The following NRXN1 variants were observed in gnomAD, a reference collection of about 807,000 sequenced individuals.
NRXN1 encodes neurexin 1.
NRXN1 carries 39 observed loss-of-function variants against 150.9 expected under a neutral mutation model. That is an observed-to-expected ratio of 0.26 (90% CI 0.20 to 0.34). The LOEUF is 0.34. Ranked by LOEUF, NRXN1 falls within the 10% of genes least tolerant of loss-of-function variation. The pLI, the probability that NRXN1 is intolerant of heterozygous loss-of-function variation, is 1.00. For missense variants in NRXN1, 1,815 were observed against 1,949.9 expected, an observed-to-expected ratio of 0.93 and a Z score of 1.30; for synonymous variants, 924 against 757.0, an observed-to-expected ratio of 1.22 and a Z score of -3.62.
chr2:50,948,720 C>T (rs1371218311), intron 2 of NRXN1, among the ~76,000 whole-genome samples: 1 of 152,012 alleles, frequency 6.6e-6, no homozygotes, highest in Non-Finnish European at 1.5e-5. Context: ...AGGCAAATGT[C>T]TCTTTCAGGC....
intron 8 of NRXN1, among the ~76,000 whole-genome samples, chr2:50,581,919 G>T (rs1268184711): frequency 1.3e-5 from 2 of 152,090 alleles, no homozygotes; most frequent in Non-Finnish European, 2.9e-5. Context: ...AGGTCATGGT[G>T]GAGAGTGACA....
chr2:50,906,163 A>C (rs1454476131), intron 5 of NRXN1, among the ~76,000 whole-genome samples: 1 of 152,140 alleles, frequency 6.6e-6, no homozygotes, highest in Non-Finnish European at 1.5e-5. Flanking sequence ...TCCATTAAAA[A>C]TACCAAGTAG....
At chr2:50,666,678 C>A (rs1295502011) in intron 5 of NRXN1, among the ~76,000 whole-genome samples, 1 of 151,842 alleles carries the variant, frequency 6.6e-6, no homozygotes, top group Non-Finnish European at 1.5e-5. Flanking sequence ...GCTTCTTACT[C>A]TGAAGTTCCA....
intron 17 of NRXN1, among the ~76,000 whole-genome samples, chr2:50,267,414 G>A (rs1396414897): frequency 6.6e-6 from 1 of 152,090 alleles, no homozygotes; most frequent in Non-Finnish European, 1.5e-5. Context: ...TTTCTTCAAA[G>A]TAAGAAAGAA....
intron 18 of NRXN1, among the ~76,000 whole-genome samples, chr2:50,189,261 CAG>C (rs1258069978): frequency 6.6e-6 from 1 of 151,960 alleles, no homozygotes; most frequent in East Asian, 1.9e-4. Context: ...GAAACTAACA[CAG>C]GGACAGAAAA....
At chr2:50,611,625 T>C (rs1185061439) in intron 8 of NRXN1, among the ~76,000 whole-genome samples, 1 of 152,188 alleles carries the variant, frequency 6.6e-6, no homozygotes, top group East Asian at 1.9e-4. Context: ...TCCTTAGCAA[T>C]GTATAGAGCC....
chr2:50,497,583 T>A lies in NRXN1; in HGVS notation c.2629A>T (p.Met877Leu). The A allele has an allele frequency of 6.2e-7, 1 of 1,613,912 alleles. No homozygotes were observed. The highest frequency in any genetic ancestry group is 8.5e-7 in the Non-Finnish European group (1 of 1,179,856). ...GHLQSLTFNG[M>L]AYIDLCKNGD... Reference sequence around the variant, plus strand: ...TTTTTACACAGGTCAATGTATGCCATTCCATTAAATGTCAAGCTCTGCAGG... The same window carrying A: ...TTTTTACACAGGTCAATGTATGCCAATCCATTAAATGTCAAGCTCTGCAGG... Residue 877 changes from methionine (M) to leucine (L), a missense_variant, in exon 14 of 23, where the codon ATG becomes TTG. This residue lies in a region of NRXN1 where 638 missense variants were observed against 652.6 expected (regional missense o/e 0.98). Transcript: ENST00000401669.
chr2:50,126,350 T>C (rs934729827), intron 18 of NRXN1, among the ~76,000 whole-genome samples: 1 of 152,066 alleles, frequency 6.6e-6, no homozygotes, highest in Admixed American at 6.6e-5. Context: ...ACAGGCACTC[T>C]GTTTAAGTCG....
At chr2:49,974,134 T>C (rs1468354611) in intron 21 of NRXN1, 2 of 714,890 alleles carry the variant, frequency 2.8e-6, no homozygotes, top group Non-Finnish European at 5.2e-6. Context: ...ATCAAGATGA[T>C]AAATTGCCTG....
At chr2:50,454,967 C>A (rs2087394682) in intron 17 of NRXN1, among the ~76,000 whole-genome samples, 1 of 151,984 alleles carries the variant, frequency 6.6e-6, no homozygotes, top group African/African-American at 2.4e-5. Context: ...TTTTCTTAGG[C>A]AGAGCGGAAG....
intron 17 of NRXN1, among the ~76,000 whole-genome samples, chr2:50,366,959 A>G (rs1250856132): frequency 6.6e-6 from 1 of 152,030 alleles, no homozygotes. Flanking sequence ...GAAGCTAAAT[A>G]CACGCCTAAT....
intron 17 of NRXN1, among the ~76,000 whole-genome samples, chr2:50,316,620 C>T (rs551962539): frequency 6.6e-6 from 1 of 151,908 alleles, no homozygotes; most frequent in Non-Finnish European, 1.5e-5. Flanking sequence ...ATATGAAACC[C>T]ACTCTTAAAG....
intron 5 of NRXN1, among the ~76,000 whole-genome samples, chr2:50,778,896 GT>G (rs780442186): frequency 3.3e-5 from 5 of 152,098 alleles, no homozygotes; most frequent in African/African-American, 4.8e-5. Context: ...ATGTAATCAT[GT>G]TTTAGAAATT....
At chr2:49,980,985 C>T (rs1328817654) in intron 21 of NRXN1, among the ~76,000 whole-genome samples, 1 of 152,042 alleles carries the variant, frequency 6.6e-6, no homozygotes, top group African/African-American at 2.4e-5. Flanking sequence ...AAATAGTACA[C>T]TGTACAGAAA....
At chr2:50,770,223 A>G (rs1374066454) in intron 5 of NRXN1, among the ~76,000 whole-genome samples, 1 of 152,162 alleles carries the variant, frequency 6.6e-6, no homozygotes, top group Non-Finnish European at 1.5e-5. Context: ...TCACTCTGAG[A>G]AAACAGAGTC....
chr2:50,713,097 G>A (rs1041331267), intron 5 of NRXN1, among the ~76,000 whole-genome samples: 1 of 152,102 alleles, frequency 6.6e-6, no homozygotes, highest in Non-Finnish European at 1.5e-5. Flanking sequence ...AAGATCACTT[G>A]AGGCCAGGAT....
chr2:50,368,050 G>T (rs139290191), intron 17 of NRXN1, among the ~76,000 whole-genome samples: 186 of 152,084 alleles, frequency 1.2e-3, no homozygotes, highest in African/African-American at 4.3e-3. Flanking sequence ...AAGATCAATA[G>T]TTACACCACT....
At chr2:50,213,146 T>C (rs1291738201) in intron 18 of NRXN1, among the ~76,000 whole-genome samples, 1 of 151,806 alleles carries the variant, frequency 6.6e-6, no homozygotes, top group Non-Finnish European at 1.5e-5. Flanking sequence ...GAGCTTTAAT[T>C]TGAGAAACAG....
At position 49,930,992 on chromosome 2, in the gene NRXN1, G is replaced by A. The variant is rs372772060; in HGVS notation, c.4217-8741C>T. On this transcript the variant is annotated intron_variant, in intron 22 of 22. Transcript: ENST00000401669. The stretch of plus-strand genomic sequence containing the variant: ...AAAAAATTAAAACAAATATTAGTTG[G>A]GCATAGTGGTGCACACCTGTAGTCC... 1.3e-3 allele frequency among the ~76,000 whole-genome samples: 198 copies of A among 152,222 alleles called. 1 individual carries two copies. Among genetic ancestry groups the A allele is most frequent in the African/African-American group, 4.5e-3 (187 of 41,510 alleles).
Sources: gnomAD v4.1 joint callset for allele counts (sites outside exome capture counted in the v4.1 genomes callset) on GRCh38, gnomAD v4.1.1 for gene constraint, gnomAD v4.1.1 regional missense constraint, MANE v1.5 for transcripts, NCBI Gene and HGNC (gene_info 2026-07-23, HGNC 2026-07-21) for gene names.